SLIT3: variants seen among roughly 807,000 people sequenced by gnomAD.
SLIT3 encodes the protein slit guidance ligand 3, also known as slit homolog 3 protein.
Under a neutral mutation model 184.0 loss-of-function variants are expected in SLIT3, and 68 were observed. The observed-to-expected ratio is 0.37, with a 90% CI of 0.30 to 0.45. The LOEUF is 0.45. SLIT3 is among the 20% of genes least tolerant of loss of function. The pLI, the probability that SLIT3 is intolerant of heterozygous loss-of-function variation, is 1.00. For synonymous variants in SLIT3, 831 were observed against 828.6 expected (o/e 1.00, Z -0.05); for missense variants, 1,707 against 2,026.0 (o/e 0.84, Z 3.02).
At chr5:168,863,333 T>C (rs1759179802) in intron 5 of SLIT3, among the ~76,000 whole-genome samples, 1 of 152,156 alleles carries the variant, frequency 6.6e-6, no homozygotes, top group African/African-American at 2.4e-5. Context: ...CAGCCAGTGA[T>C]CTAATTGACA....
chr5:168,973,526 G>A (rs539515437), intron 4 of SLIT3, among the ~76,000 whole-genome samples: 7 of 152,296 alleles, frequency 4.6e-5, no homozygotes, highest in African/African-American at 7.2e-5. Context: ...GATTATAGGC[G>A]TGAGCCACCA....
At chr5:168,773,610 A>T (rs1377056690) in intron 13 of SLIT3, among the ~76,000 whole-genome samples, 1 of 152,008 alleles carries the variant, frequency 6.6e-6, no homozygotes, top group Non-Finnish European at 1.5e-5. Context: ...AGACCTGGGC[A>T]TGGGGCTGAG....
chr5:168,948,211 T>C (rs1433749035), intron 4 of SLIT3, among the ~76,000 whole-genome samples: 1 of 152,208 alleles, frequency 6.6e-6, no homozygotes, highest in Non-Finnish European at 1.5e-5. Context: ...ACCCCTGCCT[T>C]GTCCGGGGCC....
chr5:168,782,652 G>A (rs958210794), intron 12 of SLIT3, among the ~76,000 whole-genome samples: 2 of 152,144 alleles, frequency 1.3e-5, no homozygotes, highest in Non-Finnish European at 2.9e-5. Context: ...CCTGGAGTTG[G>A]GATCATGTGC....
intron 4 of SLIT3, among the ~76,000 whole-genome samples, chr5:168,973,245 T>TTAC (rs1561583109): frequency 6.6e-6 from 1 of 152,010 alleles, no homozygotes; most frequent in Non-Finnish European, 1.5e-5. Context: ...AAAATTTTAA[T>TTAC]TATTATTATT....
At chr5:168,938,429 C>T (rs1188102965) in intron 4 of SLIT3, among the ~76,000 whole-genome samples, 1 of 152,160 alleles carries the variant, frequency 6.6e-6, no homozygotes, top group African/African-American at 2.4e-5. Flanking sequence ...AGCATATTGC[C>T]TGGTACTGAG....
intron 26 of SLIT3, chr5:168,707,718 A>G: frequency 2.4e-6 from 1 of 420,828 alleles, no homozygotes; most frequent in Non-Finnish European, 4.2e-6. Context: ...CAAAGAAAAT[A>G]CAAATGTTAC....
At chr5:168,797,964 C>T (rs966547134) in intron 9 of SLIT3, among the ~76,000 whole-genome samples, 2 of 152,014 alleles carry the variant, frequency 1.3e-5, no homozygotes, top group African/African-American at 4.8e-5. Flanking sequence ...GGATTAGGAC[C>T]CCAGGGCTCA....
chr5:168,740,825 T>G (rs1763606889), intron 20 of SLIT3, among the ~76,000 whole-genome samples: 1 of 152,222 alleles, frequency 6.6e-6, no homozygotes, highest in South Asian at 2.1e-4. Flanking sequence ...TTATTTCAGT[T>G]TTCGTTCCAT....
Position 168,982,641 on chromosome 5 carries a change from C to T in SLIT3, c.414-99305G>A, listed in dbSNP as rs142958495. 2.0e-5 allele frequency among the ~76,000 whole-genome samples: 3 copies of T among 152,212 alleles called. No homozygotes were observed. In the East Asian group the frequency reaches 5.8e-4, roughly 29 times the overall value. On this transcript the variant is annotated intron_variant, in intron 4 of 35. Transcript: ENST00000519560. ...GTCTTTTAAGAAAAAAATCCATCTC[C>T]ACACATAATTGGAGAAGCACTAAGT...
intron 5 of SLIT3, among the ~76,000 whole-genome samples, chr5:168,849,061 A>C (rs1458455492): frequency 2.0e-4 from 30 of 152,236 alleles, no homozygotes; most frequent in Non-Finnish European, 2.9e-5. Context: ...GGAAAAGAAA[A>C]AGAATTTTTT....
At chr5:169,146,007 C>T (rs756963132) in intron 4 of SLIT3, among the ~76,000 whole-genome samples, 2 of 152,130 alleles carry the variant, frequency 1.3e-5, no homozygotes, top group African/African-American at 2.4e-5. Context: ...GCCGAGATCG[C>T]ACCACTCCAC....
chr5:168,789,686 C>A, intron 10 of SLIT3, 55 bp from the exon 11 acceptor site: 1 of 1,315,078 alleles, frequency 7.6e-7, no homozygotes, highest in South Asian at 1.2e-5. Context: ...CGATAACGGT[C>A]ACTCCTAAGT....
intron 29 of SLIT3, among the ~76,000 whole-genome samples, chr5:168,688,640 C>A (rs1427752846): frequency 6.6e-6 from 1 of 152,210 alleles, no homozygotes; most frequent in African/African-American, 2.4e-5. Flanking sequence ...AAGATCTGAC[C>A]AATTCACGTT....
Position 168,817,382 on chromosome 5 carries a change from G to C in SLIT3, c.711C>G (p.Gly237=). ...CAGGAGCCATGCAGAGTGTGAACTG[G>C]CCAACTGTCCGTCGCTGTCGCAGCC... is the stretch of plus-strand genomic sequence containing the variant. The part of the protein sequence containing the change: ...SDWLRQRRTV[G]QFTLCMAPVH... The change falls in exon 8 of 36, where the codon GGC becomes GGG. Residue 237 remains glycine (G), a synonymous_variant. Transcript: ENST00000519560. The C allele has an allele frequency of 6.2e-7, 1 of 1,614,190 alleles. No individual in the cohort carries two copies. Among genetic ancestry groups the C allele is most frequent in the East Asian group, 2.2e-5 (1 of 44,884 alleles).
intron 3 of SLIT3, among the ~76,000 whole-genome samples, chr5:169,240,197 C>T (rs934331282): frequency 4.0e-5 from 6 of 151,678 alleles, no homozygotes; most frequent in African/African-American, 1.5e-4. Flanking sequence ...TTTCATATGC[C>T]CTTGAAAAGA....
intron 4 of SLIT3, among the ~76,000 whole-genome samples, chr5:169,045,538 G>A (rs746606305): frequency 1.3e-5 from 2 of 152,146 alleles, no homozygotes; most frequent in Admixed American, 6.5e-5. Context: ...CCTGACACAC[G>A]GTAGGTATTC....
At chr5:168,715,213 G>A (rs1762682071) in intron 23 of SLIT3, among the ~76,000 whole-genome samples, 1 of 152,014 alleles carries the variant, frequency 6.6e-6, no homozygotes, top group Admixed American at 6.5e-5. Flanking sequence ...CAGATTTTTT[G>A]GTTTCTCAGA....
intron 4 of SLIT3, among the ~76,000 whole-genome samples, chr5:168,907,925 TTATATATATATTATACGTGTATATATATA>T (rs796702389): frequency 0.04 from 4,967 of 125,032 alleles, 170 homozygotes; most frequent in East Asian, 0.13. Flanking sequence ...TATATCTATT[TTATATATATATTATACGTGTATATATATA>T]TATATATATA....
Sources: gnomAD v4.1 joint callset for allele counts (sites outside exome capture counted in the v4.1 genomes callset) on GRCh38, gnomAD v4.1.1 for gene constraint, MANE v1.5 for transcripts, NCBI Gene and HGNC (gene_info 2026-07-23, HGNC 2026-07-21) for gene names.